The following DIP2A variants were observed in gnomAD, a reference collection of about 807,000 sequenced individuals.
DIP2A encodes disco-interacting protein 2 homolog A.
In DIP2A, 85 loss-of-function variants were observed where a neutral mutation model predicts 177.4. The ratio of observed to expected loss-of-function variants is 0.48; its 90% CI spans 0.40 to 0.57. DIP2A has a LOEUF of 0.57. Among genes scored for constraint, DIP2A ranks in the 20% least tolerant of loss-of-function variants. DIP2A has a pLI of 0.00. For missense variants in DIP2A, 1,791 were observed against 2,100.2 expected, an observed-to-expected ratio of 0.85 and a Z score of 2.88; for synonymous variants, 886 against 881.8, an observed-to-expected ratio of 1.00 and a Z score of -0.08.
At chr21:46,516,990 T>C (rs1455155786) in intron 8 of DIP2A, among the ~76,000 whole-genome samples, 1 of 152,038 alleles carries the variant, frequency 6.6e-6, no homozygotes, top group African/African-American at 2.4e-5. Flanking sequence ...TGAAAGTCTT[T>C]GTTAGCTAAC....
chr21:46,533,949 G>A (rs1228767505), intron 11 of DIP2A, 55 bp from the exon 12 acceptor site: 21 of 1,457,696 alleles, frequency 1.4e-5, no homozygotes, highest in African/African-American at 2.8e-5. Flanking sequence ...CTTCGAGTGT[G>A]GGGAGCAGAT....
intron 3 of DIP2A, among the ~76,000 whole-genome samples, chr21:46,495,244 T>TCTCTCTCTCTCTCTCTCTCTCTCTCTCTC (rs2057273584): frequency 2.6e-5 from 1 of 38,176 alleles, no homozygotes; most frequent in African/African-American, 1.2e-4. Flanking sequence ...CTTCTCTTCT[T>TCTCTCTCTCTCTCTCTCTCTCTCTCTCTC]TCTCTCTCTC....
At chr21:46,543,540 C>T (rs1478232512) in intron 18 of DIP2A, among the ~76,000 whole-genome samples, 5 of 11,972 alleles carry the variant, frequency 4.2e-4, no homozygotes, top group Non-Finnish European at 9.2e-4. Flanking sequence ...GCGTGCAAAG[C>T]GCTCCCCCAG....
chr21:46,530,798 G>A (rs1345425815), intron 9 of DIP2A, among the ~76,000 whole-genome samples: 4 of 152,136 alleles, frequency 2.6e-5, no homozygotes, highest in African/African-American at 9.7e-5. Flanking sequence ...GTACAGAAAA[G>A]AATCCCAGAG....
chr21:46,479,350 G>C (rs917664411), intron 1 of DIP2A, among the ~76,000 whole-genome samples: 24 of 152,288 alleles, frequency 1.6e-4, no homozygotes, highest in Admixed American at 6.5e-4. Flanking sequence ...CATAAATGGA[G>C]TTCCTATGTG....
At chr21:46,496,070 CAAAAA>C (rs34294415) in intron 3 of DIP2A, among the ~76,000 whole-genome samples, 1 of 150,038 alleles carries the variant, frequency 6.7e-6, no homozygotes, top group African/African-American at 2.5e-5. Context: ...GACTCCATCT[CAAAAA>C]AAAAAATTTT....
At position 46,498,608 on chromosome 21, in the gene DIP2A, G is replaced by T; in HGVS notation, c.430G>T (p.Gly144Cys). 1 of 1,611,296 alleles carries T rather than the reference G, an allele frequency of 6.2e-7. No individual in the cohort carries two copies. Among genetic ancestry groups the T allele is most frequent in the Non-Finnish European group, 8.5e-7 (1 of 1,178,334 alleles). ...PDTSSASEDE[G>C]SLRRPGRLTS... ...CACGTCGTCTGCCTCAGAAGATGAG[G>T]GCTCTTTACGGCGACCCGGGCGACT... Residue 144 changes from glycine to cysteine, a missense_variant, in exon 5 of 38, where the codon GGC becomes TGC. Transcript: ENST00000417564. This position sits in a 1 kb window ranked among gnomAD's most constrained non-coding sequence, Gnocchi z 4.3.
chr21:46,507,808 C>T (rs1290001466), intron 6 of DIP2A, among the ~76,000 whole-genome samples: 1 of 147,922 alleles, frequency 6.8e-6, no homozygotes, highest in Admixed American at 6.9e-5. Context: ...TCAAGCGATT[C>T]TCCTGCCTTA....
At chr21:46,571,204 A>C (rs937601628), downstream of DIP2A, among the ~76,000 whole-genome samples, 1 of 152,186 alleles carries the variant, frequency 6.6e-6, no homozygotes. Flanking sequence ...CACTCCTTAT[A>C]AGAATCTAAT....
intron 2 of DIP2A, among the ~76,000 whole-genome samples, chr21:46,485,258 A>G (rs571248715): frequency 5.4e-5 from 8 of 149,476 alleles, no homozygotes; most frequent in African/African-American, 2.0e-4. Flanking sequence ...GTGTGTGTGT[A>G]ACTTAACGAG....
chr21:46,558,435 G>A, intron 32 of DIP2A, 42 bp downstream of exon 32: 1 of 1,542,034 alleles, frequency 6.5e-7, no homozygotes, highest in Non-Finnish European at 8.7e-7. Flanking sequence ...CTGGCTGTTG[G>A]CAGCATGGAG....
At position 46,504,500 on chromosome 21, in the gene DIP2A, C is replaced by A; in HGVS notation, c.784+11C>A. On this transcript the variant is annotated intron_variant, in intron 6 of 37. Coordinates refer to ENST00000417564, the MANE Select transcript of DIP2A (RefSeq NM_015151.4). ...TGGAAACAGCAGATGGTGAGCCTGC[C>A]TCTCTTTCTCCTCGTGAAATAGCAG... The A allele has an allele frequency of 6.3e-7, 1 of 1,595,360 alleles. No homozygotes were observed. Among genetic ancestry groups the A allele is most frequent in the Non-Finnish European group, 8.5e-7 (1 of 1,170,780 alleles).
intron 1 of DIP2A, among the ~76,000 whole-genome samples, chr21:46,476,713 G>A (rs916595831): frequency 1.3e-5 from 2 of 150,532 alleles, no homozygotes; most frequent in African/African-American, 2.4e-5. Context: ...GAGTGGTGGA[G>A]TGGTACAATC....
chr21:46,500,890 A>T (rs1568980668), intron 5 of DIP2A, among the ~76,000 whole-genome samples: 2 of 152,240 alleles, frequency 1.3e-5, no homozygotes, highest in African/African-American at 4.8e-5. Context: ...TGACTCCTGC[A>T]GATGCAGCTG....
At chr21:46,529,614 A>G (rs2059270995) in intron 9 of DIP2A, among the ~76,000 whole-genome samples, 1 of 152,086 alleles carries the variant, frequency 6.6e-6, no homozygotes, top group South Asian at 2.1e-4. Context: ...AGAAAAAAAA[A>G]AAAAAGCAGT....
rs758476363 is a variant in DIP2A at position 46,558,390 on chromosome 21, C to G, written c.3966C>G (p.Leu1322=). 6.6e-7 allele frequency: 1 copy of G among 1,521,918 alleles called. No individual in the cohort carries two copies. 94.3% of individuals were successfully genotyped at this position (1,521,918 alleles called of 1,614,324 possible). Residue 1322 remains leucine, a synonymous_variant, in exon 32 of 38, where the codon CTC becomes CTG. Transcript: ENST00000417564. The part of the protein sequence containing the change: ...FGCRVNVAIC[L]QGTAGPDPTT... ...GCAGGGTCAACGTGGCCATCTGCCT[C>G]CAGGTGAGGTGCCTGGGGCTGCGGT...
At chr21:46,528,203 G>A (rs2059187473) in intron 8 of DIP2A, among the ~76,000 whole-genome samples, 2 of 151,996 alleles carry the variant, frequency 1.3e-5, no homozygotes, top group Non-Finnish European at 2.9e-5. Flanking sequence ...ACTTCTCTTT[G>A]GGGATGGCTG....
At chr21:46,496,375 G>A (rs530289683) in intron 3 of DIP2A, among the ~76,000 whole-genome samples, 1 of 152,242 alleles carries the variant, frequency 6.6e-6, no homozygotes, top group African/African-American at 2.4e-5. Flanking sequence ...AAAAGTTTTT[G>A]TTCAGTTATT....
intron 7 of DIP2A, among the ~76,000 whole-genome samples, chr21:46,511,022 C>A (rs2058284481): frequency 6.6e-6 from 1 of 152,170 alleles, no homozygotes; most frequent in African/African-American, 2.4e-5. Flanking sequence ...TGCTTGCTTT[C>A]CTCCTGTGTG....
Sources: gnomAD v4.1 joint callset for allele counts (sites outside exome capture counted in the v4.1 genomes callset) on GRCh38, gnomAD v4.1.1 for gene constraint, Gnocchi (gnomAD v3.1) non-coding constraint, MANE v1.5 for transcripts, NCBI Gene and HGNC (gene_info 2026-07-23, HGNC 2026-07-21) for gene names.